CHD9: variants seen among roughly 807,000 people sequenced by gnomAD.
CHD9 encodes ATP-dependent chromatin remodeler CHD9.
CHD9 carries 77 observed loss-of-function variants against 316.1 expected under a neutral mutation model. The ratio of observed to expected loss-of-function variants is 0.24; its 90% CI spans 0.20 to 0.29. The LOEUF is 0.29. Ranked by LOEUF, CHD9 falls within the 10% of genes least tolerant of loss-of-function variation. CHD9 has a pLI of 1.00. For synonymous variants in CHD9, 1,129 were observed against 1,158.3 expected (o/e 0.97, Z 0.51); for missense variants, 2,763 against 3,438.1 (o/e 0.80, Z 4.91).
At chr16:53,292,782 C>T in intron 28 of CHD9, 51 bp from the exon 29 acceptor site, 2 of 1,447,842 alleles carry the variant, frequency 1.4e-6, no homozygotes, top group Middle Eastern at 1.8e-4. Context: ...CTTTTGTGAG[C>T]TTCATACAGT....
At chr16:53,218,658 G>A (rs2046974626) in intron 3 of CHD9, among the ~76,000 whole-genome samples, 1 of 151,988 alleles carries the variant, frequency 6.6e-6, no homozygotes, top group African/African-American at 2.4e-5. Flanking sequence ...TTATTCATTG[G>A]GATTTGAATG....
intron 1 of CHD9, among the ~76,000 whole-genome samples, chr16:53,139,270 T>A (rs964325437): frequency 2.6e-5 from 4 of 151,940 alleles, no homozygotes; most frequent in African/African-American, 9.7e-5. Flanking sequence ...ATAACTACAG[T>A]GAGATAGCCT....
At position 53,308,957 on chromosome 16, in the gene CHD9, G is replaced by C. The variant is rs2056230284; in HGVS notation, c.7222+103G>C. The C allele has an allele frequency of 1.0e-4, 94 of 896,826 alleles. 2 individuals carry two copies. The South Asian group carries it at 1.7e-3, about 16-fold the overall frequency. 55.6% of individuals were successfully genotyped at this position (896,826 alleles called of 1,614,324 possible). A position where few individuals can be genotyped will look rare whatever the true frequency, so the allele number is the denominator to read the frequency against. ...ATAAAAATTTATTTTTCCTTTGTTGGAACCTCTTAAGCCTATAAAGTAATC... is the reference window on the plus strand; with the variant it reads ...ATAAAAATTTATTTTTCCTTTGTTGCAACCTCTTAAGCCTATAAAGTAATC... On this transcript the variant is annotated intron_variant, in intron 34 of 38. Coordinates refer to ENST00000447540, the MANE Select transcript of CHD9 (RefSeq NM_001308319.2).
rs539361982 is a variant in CHD9 at position 53,245,744 on chromosome 16, G to T, written c.3348G>T (p.Lys1116Asn). The T allele has an allele frequency of 6.2e-7, 1 of 1,611,172 alleles. No homozygotes were observed. The highest frequency in any genetic ancestry group is 2.2e-5 in the East Asian group (1 of 44,750). Reference sequence around the variant, plus strand: ...AATACTACCGGGCTATCTTGGAAAAGAACTTTTCTTTTTTATCCAAAGGAG... The same window carrying T: ...AATACTACCGGGCTATCTTGGAAAATAACTTTTCTTTTTTATCCAAAGGAG... ...QKKYYRAILE[K>N]NFSFLSKGAG... The change falls in exon 15 of 39, where the codon AAG (lysine) becomes AAT (asparagine). Residue 1116 changes from lysine (K) to asparagine (N), a missense_variant. By Grantham distance (94) the Lys-to-Asn change is moderately conservative. This residue lies in a region of CHD9 where 155 missense variants were observed against 291.8 expected (regional missense o/e 0.53). Coordinates refer to ENST00000447540, the MANE Select transcript of CHD9 (RefSeq NM_001308319.2). This position sits in a 1 kb window ranked among gnomAD's most constrained non-coding sequence, Gnocchi z 4.1.
At chr16:53,128,130 T>C (rs933798637) in intron 1 of CHD9, among the ~76,000 whole-genome samples, 4 of 152,154 alleles carry the variant, frequency 2.6e-5, no homozygotes, top group African/African-American at 9.7e-5. Context: ...CAAATCCCTG[T>C]GTCCAGATAA....
At chr16:53,069,053 G>A (rs978582890) in intron 1 of CHD9, among the ~76,000 whole-genome samples, 2 of 151,990 alleles carry the variant, frequency 1.3e-5, no homozygotes, top group African/African-American at 4.8e-5. Context: ...TGCCCAGGCT[G>A]TACTGCAGTG....
chr16:53,156,166 C>G lies in CHD9; in HGVS notation c.77C>G (p.Ala26Gly). 6.2e-7 allele frequency: 1 copy of G among 1,613,906 alleles called. No individual in the cohort carries two copies. The highest frequency in any genetic ancestry group is 8.5e-7 in the Non-Finnish European group (1 of 1,179,868). ...GETLEGLSDD[A>G]FVQPGPVSLV... The stretch of plus-strand genomic sequence containing the variant: ...ACCTTAGAAGGTTTGTCAGATGATG[C>G]ATTTGTACAACCAGGACCTGTTTCA... Residue 26 changes from alanine (A) to glycine (G), a missense_variant, in exon 2 of 39, where the codon GCA becomes GGA. Transcript: ENST00000447540.
chr16:53,174,786 T>G (rs543033785), intron 2 of CHD9, among the ~76,000 whole-genome samples: 14 of 152,132 alleles, frequency 9.2e-5, no homozygotes, highest in Non-Finnish European at 1.3e-4. Context: ...TTCATTTTAT[T>G]TTTTCTAGAG....
rs774343046 is a variant in CHD9, at chr16:53,255,791, T to C, written c.4209+12T>C. 3.9e-5 allele frequency: 63 copies of C among 1,610,862 alleles called. No homozygotes were observed. The highest frequency in any genetic ancestry group is 4.8e-5 in the Non-Finnish European group (56 of 1,177,620). Reference sequence around the variant, plus strand: ...CAACATTTGCCAAGGTAATAGTGGGTGCAATTTTATTAACATAGCAGTGAT... The same window carrying C: ...CAACATTTGCCAAGGTAATAGTGGGCGCAATTTTATTAACATAGCAGTGAT... On this transcript the variant is annotated intron_variant, in intron 19 of 38. Coordinates refer to ENST00000447540, the MANE Select transcript of CHD9 (RefSeq NM_001308319.2).
At chr16:53,308,913 T>A in intron 34 of CHD9, 59 bp downstream of exon 34, 1 of 1,334,788 alleles carries the variant, frequency 7.5e-7, no homozygotes, top group Admixed American at 2.2e-5. Context: ...GTCCAAATCT[T>A]CTTTTATAGA....
chr16:53,074,084 G>T (rs916055883), intron 1 of CHD9, among the ~76,000 whole-genome samples: 1 of 152,192 alleles, frequency 6.6e-6, no homozygotes, highest in African/African-American at 2.4e-5. Flanking sequence ...AGGCTGAGGT[G>T]GTCTCAGATA....
chr16:53,156,073 G>C lies in CHD9; in HGVS notation c.-17G>C. The C allele has an allele frequency of 3.7e-6, 6 of 1,603,802 alleles. No homozygotes were observed. The highest frequency in any genetic ancestry group is 5.1e-6 in the Non-Finnish European group (6 of 1,174,730). Reference sequence around the variant, plus strand: ...CCATTTGGAGTGAACAGCCCGGATTGTTACAGAATTTTCAAGATGACAGAT... The same window carrying C: ...CCATTTGGAGTGAACAGCCCGGATTCTTACAGAATTTTCAAGATGACAGAT... On this transcript the variant is annotated 5_prime_UTR_variant, in exon 2 of 39. Coordinates refer to ENST00000447540, the MANE Select transcript of CHD9 (RefSeq NM_001308319.2).
At chr16:53,306,559 T>C (rs60353186) in intron 32 of CHD9, among the ~76,000 whole-genome samples, 162 bp downstream of exon 32, 4,928 of 152,278 alleles carry the variant, frequency 0.032, 99 homozygotes, top group Middle Eastern at 0.072. Context: ...ATCAAGTAAA[T>C]AGTTCTGCTT....
At chr16:53,063,135 G>A (rs1468032264) in intron 1 of CHD9, among the ~76,000 whole-genome samples, 1 of 152,096 alleles carries the variant, frequency 6.6e-6, no homozygotes, top group African/African-American at 2.4e-5. Flanking sequence ...CACTTTCCAT[G>A]CGTCATTCAA....
intron 1 of CHD9, among the ~76,000 whole-genome samples, chr16:53,106,944 A>G (rs2037406744): frequency 6.6e-6 from 1 of 152,246 alleles, no homozygotes; most frequent in African/African-American, 2.4e-5. Context: ...TTTTTAAAAA[A>G]TGAGAAGACT....
At chr16:53,230,514 T>C (rs2048076468) in intron 8 of CHD9, among the ~76,000 whole-genome samples, 1 of 152,164 alleles carries the variant, frequency 6.6e-6, no homozygotes, top group South Asian at 2.1e-4. Context: ...TGGGAGGTCC[T>C]CTCATCACCT....
At chr16:53,248,434 CAT>C (rs2049833919) in intron 16 of CHD9, among the ~76,000 whole-genome samples, 1 of 149,906 alleles carries the variant, frequency 6.7e-6, no homozygotes, top group African/African-American at 2.5e-5. Context: ...CTGATAGTAA[CAT>C]ATTAATGTAA....
chr16:53,276,946 T>C (rs2052897879), intron 24 of CHD9, among the ~76,000 whole-genome samples: 3 of 152,064 alleles, frequency 2.0e-5, no homozygotes, highest in Non-Finnish European at 2.9e-5. Context: ...ACCACGGAAA[T>C]ACAAAAGATC....
At chr16:53,191,819 G>T (rs1183330363) in intron 2 of CHD9, among the ~76,000 whole-genome samples, 2 of 152,114 alleles carry the variant, frequency 1.3e-5, no homozygotes, top group East Asian at 3.8e-4. Flanking sequence ...ACAAGTTTAT[G>T]TGTAGCTGTG....
Sources: allele counts gnomAD v4.1 joint callset (sites outside exome capture counted in the v4.1 genomes callset), GRCh38; gene constraint gnomAD v4.1.1; regional missense constraint gnomAD v4.1.1; non-coding constraint Gnocchi (gnomAD v3.1); transcripts MANE v1.5; gene names NCBI Gene and HGNC (gene_info 2026-07-23, HGNC 2026-07-21).